WDPCP: variants seen among roughly 807,000 people sequenced by gnomAD.
WDPCP encodes the protein WD repeat containing planar cell polarity effector.
WDPCP carries 71 observed loss-of-function variants against 93.1 expected under a neutral mutation model. That is an observed-to-expected ratio of 0.76 (90% CI 0.63 to 0.93). WDPCP has a LOEUF of 0.93. Ranked by LOEUF, WDPCP falls within the 40% of genes least tolerant of loss-of-function variation. WDPCP has a pLI of 0.00. For missense variants in WDPCP, 844 were observed against 887.4 expected (o/e 0.95, Z 0.62); for synonymous variants, 315 against 315.0 (o/e 1.00, Z 0.00).
At chr2:63,743,772 T>G (rs1222493766) in intron 2 of WDPCP, among the ~76,000 whole-genome samples, 1 of 152,146 alleles carries the variant, frequency 6.6e-6, no homozygotes. Context: ...TGCTTAAAAG[T>G]AACAACTGAT....
intron 13 of WDPCP, among the ~76,000 whole-genome samples, chr2:63,297,220 C>T (rs1419451124): frequency 6.6e-6 from 1 of 152,140 alleles, no homozygotes; most frequent in Non-Finnish European, 1.5e-5. Context: ...GTTTATATAG[C>T]ATTTTCACTT....
intron 2 of WDPCP, among the ~76,000 whole-genome samples, chr2:63,689,775 G>A (rs924904621): frequency 6.6e-6 from 1 of 152,066 alleles, no homozygotes; most frequent in Non-Finnish European, 1.5e-5. Flanking sequence ...TCTTATTTAT[G>A]CAGAGTGCAT....
rs571524216 is a variant in WDPCP, at chr2:63,508,859, G to A, written c.76-15919C>T. ...GAAGGGCATTACATAATGGTAAAGG[G>A]TTGAATTCATCAAGAAGAGCTAACT... On this transcript the variant is annotated intron_variant, in intron 1 of 17. Transcript: ENST00000272321. Among the ~76,000 whole-genome samples the A allele has an allele frequency of 1.9e-4, 29 of 152,274 alleles. 1 individual carries two copies. The highest frequency in any genetic ancestry group is 1.6e-3 in the Admixed American group (24 of 15,296).
At chr2:63,783,989 G>A (rs1047899184) in intron 2 of WDPCP, among the ~76,000 whole-genome samples, 3 of 152,114 alleles carry the variant, frequency 2.0e-5, no homozygotes, top group Admixed American at 1.3e-4. Context: ...CTCCAGCACC[G>A]TTTCACATTT....
At chr2:63,194,300 AAAAG>A (rs746973874) in intron 14 of WDPCP, among the ~76,000 whole-genome samples, 4 of 151,742 alleles carry the variant, frequency 2.6e-5, no homozygotes, top group Admixed American at 6.7e-5. Flanking sequence ...GCAGCTTATC[AAAAG>A]AAAGAAAGAA....
intron 2 of WDPCP, among the ~76,000 whole-genome samples, chr2:63,657,650 G>A (rs777111173): frequency 3.3e-5 from 5 of 152,240 alleles, no homozygotes; most frequent in African/African-American, 9.6e-5. Flanking sequence ...GGTGGTAAGC[G>A]GGCGGATTTG....
At chr2:63,520,788 C>G (rs953316910) in intron 1 of WDPCP, among the ~76,000 whole-genome samples, 2 of 150,298 alleles carry the variant, frequency 1.3e-5, no homozygotes, top group African/African-American at 4.9e-5. Flanking sequence ...CCCAGCTACT[C>G]AGAAGGCTGA....
intron 14 of WDPCP, among the ~76,000 whole-genome samples, chr2:63,228,195 CA>C (rs1678453923): frequency 6.6e-6 from 1 of 151,828 alleles, no homozygotes; most frequent in Non-Finnish European, 1.5e-5. Context: ...TTAAAAGATT[CA>C]AAGGCTCTTA....
intron 17 of WDPCP, among the ~76,000 whole-genome samples, chr2:63,149,272 C>A (rs1671737582): frequency 1.3e-5 from 2 of 152,260 alleles, no homozygotes; most frequent in East Asian, 3.9e-4. Context: ...AGATGTTCAA[C>A]CTCATTATTA....
intron 1 of WDPCP, among the ~76,000 whole-genome samples, chr2:63,502,070 T>C (rs1701592201): frequency 6.6e-6 from 1 of 152,256 alleles, no homozygotes; most frequent in African/African-American, 2.4e-5. Context: ...TTGCACAGTG[T>C]GGCATGCGGC....
At chr2:63,713,078 G>A (rs1669287410) in intron 2 of WDPCP, among the ~76,000 whole-genome samples, 1 of 152,172 alleles carries the variant, frequency 6.6e-6, no homozygotes, top group East Asian at 1.9e-4. Flanking sequence ...ATTACAACAT[G>A]GCAGGATCCA....
At chr2:63,443,731 A>G (rs896949916) in intron 6 of WDPCP, among the ~76,000 whole-genome samples, 2 of 152,186 alleles carry the variant, frequency 1.3e-5, no homozygotes, top group African/African-American at 4.8e-5. Flanking sequence ...GTGAGAGATG[A>G]TGGCTTGGGA....
chr2:63,523,662 A>C (rs1001501489), intron 1 of WDPCP, among the ~76,000 whole-genome samples: 2 of 152,226 alleles, frequency 1.3e-5, no homozygotes, highest in Admixed American at 1.3e-4. Flanking sequence ...CTGTAATCCC[A>C]GCACTTTGAG....
At position 63,174,943 on chromosome 2, in the gene WDPCP, T is replaced by C. The variant is rs1335724559; in HGVS notation, c.1916-111A>G. On this transcript the variant is annotated intron_variant, in intron 14 of 17. Transcript: ENST00000272321. ...ACATATCCCAGTGGAACTTTTTTCT[T>C]TGTCAATTTCAAAATCTTGTTGTCC... 4.1e-6 allele frequency: 5 copies of C among 1,220,704 alleles called. No individual in the cohort carries two copies. In the Admixed American group the frequency reaches 5.5e-5, roughly 14 times the overall value. 75.6% of individuals were successfully genotyped at this position (1,220,704 alleles called of 1,614,324 possible).
intron 14 of WDPCP, among the ~76,000 whole-genome samples, chr2:63,221,411 A>G (rs563997852): frequency 2.0e-4 from 31 of 152,320 alleles, no homozygotes; most frequent in Non-Finnish European, 3.8e-4. Context: ...ATGATATACT[A>G]ATAGAACAGA....
chr2:63,239,300 G>A (rs533535266), intron 14 of WDPCP, among the ~76,000 whole-genome samples: 6 of 152,218 alleles, frequency 3.9e-5, no homozygotes, highest in Middle Eastern at 3.4e-3. Flanking sequence ...TGCAAGCTCC[G>A]CCTCCTGGGT....
At chr2:63,412,777 G>C (rs1341263911) in intron 9 of WDPCP, among the ~76,000 whole-genome samples, 1 of 127,324 alleles carries the variant, frequency 7.9e-6, no homozygotes, top group Non-Finnish European at 1.8e-5. Context: ...TTTTATAATA[G>C]CTGCAAAAAA....
chr2:63,138,696 C>T (rs1305445876), intron 17 of WDPCP, among the ~76,000 whole-genome samples: 2 of 152,144 alleles, frequency 1.3e-5, no homozygotes, highest in Non-Finnish European at 2.9e-5. Flanking sequence ...TCGTGATCCA[C>T]CCGCCTCAGC....
intron 3 of WDPCP, among the ~76,000 whole-genome samples, chr2:63,623,027 C>G (rs907780179): frequency 6.6e-6 from 1 of 152,198 alleles, no homozygotes; most frequent in African/African-American, 2.4e-5. Context: ...CCGGCGCAGC[C>G]CCGCTCAACA....
Sources: gnomAD v4.1 joint callset for allele counts (sites outside exome capture counted in the v4.1 genomes callset) on GRCh38, gnomAD v4.1.1 for gene constraint, MANE v1.5 for transcripts, NCBI Gene and HGNC (gene_info 2026-07-23, HGNC 2026-07-21) for gene names.